The following C1orf21 variants were observed in gnomAD, a reference collection of about 807,000 sequenced individuals.
C1orf21 encodes the protein uncharacterized protein C1orf21.
C1orf21 carries 3 observed loss-of-function variants against 18.7 expected under a neutral mutation model. That is an observed-to-expected ratio of 0.16 (90% CI 0.07 to 0.42). The LOEUF (loss-of-function observed/expected upper bound fraction) is 0.42, where lower values mean the gene tolerates loss of function less well. Among genes scored for constraint, C1orf21 ranks in the 10% least tolerant of loss-of-function variants. The pLI is 0.99. For missense variants in C1orf21, 104 were observed against 143.6 expected (o/e 0.72, Z 1.41); for synonymous variants, 41 against 46.4 (o/e 0.88, Z 0.47).
At chr1:184,613,518 A>G (rs1041657826) in intron 5 of C1orf21, among the ~76,000 whole-genome samples, 6 of 152,184 alleles carry the variant, frequency 3.9e-5, no homozygotes, top group South Asian at 2.1e-4. Context: ...GTTTTGCTCA[A>G]AACTTATTAT....
intron 1 of C1orf21, among the ~76,000 whole-genome samples, chr1:184,418,510 G>T (rs865814473): frequency 7.9e-5 from 12 of 152,286 alleles, no homozygotes; most frequent in Non-Finnish European, 1.6e-4. Flanking sequence ...CACTGTGCCC[G>T]GCGAAGTTAT....
At chr1:184,614,827 A>G (rs564402808) in intron 5 of C1orf21, among the ~76,000 whole-genome samples, 2 of 152,152 alleles carry the variant, frequency 1.3e-5, no homozygotes, top group African/African-American at 2.4e-5. Flanking sequence ...TCGTGCTCCT[A>G]TGAGAATCTG....
rs1351670778 is a variant in C1orf21, at chr1:184,565,489, T to C, written c.190-25250T>C. Among the ~76,000 whole-genome samples, 3 of 152,232 alleles carry C rather than the reference T, an allele frequency of 2.0e-5. No individual in the cohort carries two copies. The East Asian group carries it at 5.8e-4, about 29-fold the overall frequency. On this transcript the variant is annotated intron_variant, in intron 3 of 5. Transcript: ENST00000235307. ...AGCCCTGGTTCTCTAGACCTCACCATGCACCTCTTTTCTGAACACTGGTGC... is the reference window on the plus strand; with the variant it reads ...AGCCCTGGTTCTCTAGACCTCACCACGCACCTCTTTTCTGAACACTGGTGC...
At chr1:184,572,880 G>T (rs1659132709) in intron 3 of C1orf21, among the ~76,000 whole-genome samples, 1 of 151,678 alleles carries the variant, frequency 6.6e-6, no homozygotes, top group Admixed American at 6.6e-5. Flanking sequence ...TGAACCAGGA[G>T]GCGGAGGTTG....
intron 3 of C1orf21, among the ~76,000 whole-genome samples, chr1:184,520,209 G>T (rs111694597): frequency 6.6e-6 from 1 of 152,096 alleles, no homozygotes; most frequent in Non-Finnish European, 1.5e-5. Flanking sequence ...AGATGACTCC[G>T]TTTTTTGGTT....
chr1:184,516,634 G>A (rs141417458), intron 3 of C1orf21, among the ~76,000 whole-genome samples: 91 of 152,364 alleles, frequency 6.0e-4, no homozygotes, highest in African/African-American at 2.1e-3. Context: ...AAGAGAGAAT[G>A]AGGAAGACGC....
At chr1:184,494,099 G>A (rs1657855336) in intron 2 of C1orf21, among the ~76,000 whole-genome samples, 1 of 152,210 alleles carries the variant, frequency 6.6e-6, no homozygotes, top group Admixed American at 6.5e-5. Flanking sequence ...TACAAAAGGG[G>A]ATGGAGAGTT....
At chr1:184,535,270 G>T (rs1488649030) in intron 3 of C1orf21, among the ~76,000 whole-genome samples, 1 of 152,120 alleles carries the variant, frequency 6.6e-6, no homozygotes, top group Non-Finnish European at 1.5e-5. Flanking sequence ...TGAACCAAAT[G>T]GCTTTGCATT....
At chr1:184,619,406 T>A (rs1659881357) in intron 5 of C1orf21, 112 bp from the exon 6 acceptor site, 1 of 1,172,896 alleles carries the variant, frequency 8.5e-7, no homozygotes, top group Admixed American at 2.0e-5. Context: ...TGACAAAGCC[T>A]GGATTCTGTT....
chr1:184,508,860 A>C (rs1215681234), intron 3 of C1orf21, among the ~76,000 whole-genome samples: 2 of 152,244 alleles, frequency 1.3e-5, no homozygotes, highest in African/African-American at 4.8e-5. Flanking sequence ...ACTTAAATCC[A>C]GGAAAGTAGC....
At chr1:184,609,598 G>A (rs1470409639) in intron 5 of C1orf21, among the ~76,000 whole-genome samples, 3 of 152,192 alleles carry the variant, frequency 2.0e-5, no homozygotes, top group Non-Finnish European at 4.4e-5. Flanking sequence ...TTGAGGGCAA[G>A]GTGGTAGCAT....
chr1:184,524,287 T>G (rs1026770164), intron 3 of C1orf21, among the ~76,000 whole-genome samples: 6 of 152,160 alleles, frequency 3.9e-5, no homozygotes, highest in Admixed American at 2.6e-4. Context: ...TAAGTTTTCC[T>G]TTCATTGGAA....
chr1:184,541,982 A>G (rs1293331051), intron 3 of C1orf21, among the ~76,000 whole-genome samples: 2 of 152,172 alleles, frequency 1.3e-5, no homozygotes, highest in African/African-American at 2.4e-5. Context: ...CTGAAGTTGA[A>G]TATTCTGGGA....
chr1:184,567,028 C>T (rs1181655634), intron 3 of C1orf21: 3 of 515,456 alleles, frequency 5.8e-6, no homozygotes, highest in South Asian at 1.4e-5. Context: ...CTTGAAGAGA[C>T]GGGAACATTG....
chr1:184,398,623 C>G (rs61823502), intron 1 of C1orf21, among the ~76,000 whole-genome samples: 1 of 152,160 alleles, frequency 6.6e-6, no homozygotes, highest in African/African-American at 2.4e-5. Flanking sequence ...TGTACTTACA[C>G]AAACCTAGAT....
At chr1:184,488,047 C>T (rs904875618) in intron 2 of C1orf21, among the ~76,000 whole-genome samples, 17 of 152,094 alleles carry the variant, frequency 1.1e-4, no homozygotes, top group African/African-American at 4.1e-4. Flanking sequence ...GAGGAGAATG[C>T]GTCATCAGTT....
Position 184,560,347 on chromosome 1 carries a change from C to T in C1orf21, c.190-30392C>T, listed in dbSNP as rs140096901. Among the ~76,000 whole-genome samples, 629 of 152,122 alleles carry T rather than the reference C, an allele frequency of 4.1e-3. 8 individuals carry two copies. The highest frequency in any genetic ancestry group is 8.1e-3 in the African/African-American group (334 of 41,490). On this transcript the variant is annotated intron_variant, in intron 3 of 5. Transcript: ENST00000235307. ...CTTCTAGAAACCAAAGAAAAGGCACCGTAAGATCTTTGCAAACCTAGAGAT... is the reference window on the plus strand; with the variant it reads ...CTTCTAGAAACCAAAGAAAAGGCACTGTAAGATCTTTGCAAACCTAGAGAT...
At chr1:184,414,218 A>G (rs1656410268) in intron 1 of C1orf21, among the ~76,000 whole-genome samples, 1 of 151,880 alleles carries the variant, frequency 6.6e-6, no homozygotes, top group Non-Finnish European at 1.5e-5. Context: ...CGTGGCCTCG[A>G]CTCCCAGGCT....
intron 3 of C1orf21, among the ~76,000 whole-genome samples, chr1:184,527,103 A>G (rs1275922056): frequency 6.6e-6 from 1 of 152,152 alleles, no homozygotes; most frequent in Non-Finnish European, 1.5e-5. Flanking sequence ...TTCAGCATCA[A>G]AGCTCTGTGA....
Sources: allele counts gnomAD v4.1 joint callset (sites outside exome capture counted in the v4.1 genomes callset), GRCh38; gene constraint gnomAD v4.1.1; transcripts MANE v1.5; gene names NCBI Gene and HGNC (gene_info 2026-07-23, HGNC 2026-07-21).